ZFYVE1: variants seen among roughly 807,000 people sequenced by gnomAD.
ZFYVE1 encodes the protein zinc finger FYVE domain-containing protein 1.
ZFYVE1 carries 30 observed loss-of-function variants against 74.4 expected under a neutral mutation model. That is an observed-to-expected ratio of 0.40 (90% CI 0.30 to 0.55). The LOEUF (loss-of-function observed/expected upper bound fraction) is 0.55, where lower values mean the gene tolerates loss of function less well. Ranked by LOEUF, ZFYVE1 falls within the 20% of genes least tolerant of loss-of-function variation. The pLI is 0.42. For missense variants in ZFYVE1, 703 were observed against 1,011.6 expected, an observed-to-expected ratio of 0.69 and a Z score of 4.14; for synonymous variants, 335 against 385.1, an observed-to-expected ratio of 0.87 and a Z score of 1.52.
intron 1 of ZFYVE1, among the ~76,000 whole-genome samples, chr14:73,026,133 G>GAAAAAAAA: frequency 1.0e-5 from 1 of 95,726 alleles, no homozygotes; most frequent in Non-Finnish European, 2.2e-5. Context: ...TTCACTAACT[G>GAAAAAAAA]AAAAAAAAAA....
chr14:73,014,328 A>G (rs1894147877), intron 2 of ZFYVE1, among the ~76,000 whole-genome samples: 1 of 152,192 alleles, frequency 6.6e-6, no homozygotes. Flanking sequence ...AAGGCACATA[A>G]TAGGGTTTCT....
chr14:72,999,555 AAAGT>A (rs1893825086), intron 2 of ZFYVE1, among the ~76,000 whole-genome samples: 1 of 152,116 alleles, frequency 6.6e-6, no homozygotes, highest in Admixed American at 6.6e-5. Context: ...ACTGGATGAC[AAAGT>A]AAGACCTTGA....
chr14:72,977,831 G>A, intron 8 of ZFYVE1, 96 bp downstream of exon 8: 1 of 1,315,560 alleles, frequency 7.6e-7, no homozygotes, highest in Non-Finnish European at 1.1e-6. Context: ...GAAATTCATG[G>A]TTAACCTTAA....
At chr14:73,022,997 T>C (rs1181182453) in intron 2 of ZFYVE1, among the ~76,000 whole-genome samples, 1 of 151,506 alleles carries the variant, frequency 6.6e-6, no homozygotes, top group Non-Finnish European at 1.5e-5. Flanking sequence ...CCCCCGTCTC[T>C]ACTAAAAATT....
chr14:73,016,813 G>A (rs12882846), intron 2 of ZFYVE1, among the ~76,000 whole-genome samples: 6 of 150,960 alleles, frequency 4.0e-5, no homozygotes, highest in Non-Finnish European at 7.4e-5. Context: ...GTCAGAGGCT[G>A]CAGTGAACCA....
At chr14:72,995,353 T>TC (rs1336414467) in intron 3 of ZFYVE1, among the ~76,000 whole-genome samples, 1 of 152,170 alleles carries the variant, frequency 6.6e-6, no homozygotes, top group Admixed American at 6.6e-5. Context: ...CACCTTGGCC[T>TC]CCCAAAGAGC....
intron 2 of ZFYVE1, among the ~76,000 whole-genome samples, chr14:73,004,752 C>G (rs1893941775): frequency 6.6e-6 from 1 of 152,092 alleles, no homozygotes; most frequent in Admixed American, 6.6e-5. Context: ...AATCCCAGCA[C>G]TGTGGGAGGC....
At chr14:73,016,557 T>C (rs1183209793) in intron 2 of ZFYVE1, among the ~76,000 whole-genome samples, 1 of 151,448 alleles carries the variant, frequency 6.6e-6, no homozygotes, top group African/African-American at 2.4e-5. Context: ...CCTTTGGTTT[T>C]CCTAGTACAG....
Position 73,024,049 on chromosome 14 carries a change from C to T in ZFYVE1, c.460G>A (p.Val154Ile). The change falls in exon 2 of 12, where the codon GTA becomes ATA. Residue 154 changes from valine (V) to isoleucine (I), a missense_variant. Physicochemically the swap from Val to Ile is conservative, Grantham distance 29. Coordinates refer to ENST00000556143, the MANE Select transcript of ZFYVE1 (RefSeq NM_021260.4). ...MTEKVVSFLL[V>I]DENEEIQVTN... The stretch of plus-strand genomic sequence containing the variant: ...ACCTGAATTTCTTCATTTTCGTCTA[C>T]TAGGAGGAAACTCACAACCTTCTCA... The T allele has an allele frequency of 2.5e-6, 4 of 1,614,116 alleles. No homozygotes were observed. Among genetic ancestry groups the T allele is most frequent in the Non-Finnish European group, 3.4e-6 (4 of 1,180,018 alleles).
rs181015158 is a variant in ZFYVE1, at chr14:72,986,016, G to A, written c.1204-4121C>T. Reference sequence around the variant, plus strand: ...AGGACAAATGATATAAATCTGGCATGAGTGCAACAGCTGGGTTGAATTCAC... The same window carrying A: ...AGGACAAATGATATAAATCTGGCATAAGTGCAACAGCTGGGTTGAATTCAC... On this transcript the variant is annotated intron_variant, in intron 4 of 11. Coordinates refer to ENST00000556143, the MANE Select transcript of ZFYVE1 (RefSeq NM_021260.4). 3.2e-4 allele frequency among the ~76,000 whole-genome samples: 48 copies of A among 152,320 alleles called. 1 individual carries two copies. The highest frequency in any genetic ancestry group is 7.8e-4 in the Admixed American group (12 of 15,294).
rs1893646466 is a variant in ZFYVE1, at chr14:72,992,629, T to TC, written c.1203+513_1203+514insG. The stretch of plus-strand genomic sequence containing the variant: ...CCCATTCAGGTGCCCCCCCCGCCCC[T>TC]TGCAAGAGAGAGAGAGCTGTTCTTT... On this transcript the variant is annotated intron_variant, in intron 4 of 11. Coordinates refer to ENST00000556143, the MANE Select transcript of ZFYVE1 (RefSeq NM_021260.4). Among the ~76,000 whole-genome samples, 45 of 51,174 alleles carry TC rather than the reference T, an allele frequency of 8.8e-4. 2 individuals carry two copies. Among genetic ancestry groups the TC allele is most frequent in the African/African-American group, 3.5e-3 (44 of 12,556 alleles). The allele number at this position is 51,174 out of a possible 152,430, so 33.6% of individuals were successfully genotyped here.
At chr14:72,995,035 T>C (rs1015514051) in intron 3 of ZFYVE1, among the ~76,000 whole-genome samples, 4 of 152,222 alleles carry the variant, frequency 2.6e-5, no homozygotes, top group Non-Finnish European at 5.9e-5. Context: ...GTGATAAAGG[T>C]TGAAAGGACT....
chr14:72,977,792 A>G, intron 8 of ZFYVE1, 135 bp downstream of exon 8: 1 of 904,256 alleles, frequency 1.1e-6, no homozygotes, highest in Non-Finnish European at 1.7e-6. Flanking sequence ...AGCTCTCCAG[A>G]TCATGCCTTT....
intron 2 of ZFYVE1, among the ~76,000 whole-genome samples, chr14:73,023,189 TATA>T (rs1316701916): frequency 1.7e-4 from 24 of 138,778 alleles, no homozygotes; most frequent in African/African-American, 4.7e-4. Flanking sequence ...TATATATATA[TATA>T]TTTTATATAT....
intron 2 of ZFYVE1, among the ~76,000 whole-genome samples, chr14:73,022,766 G>A (rs973624916): frequency 1.3e-5 from 2 of 152,020 alleles, no homozygotes; most frequent in Admixed American, 6.6e-5. Flanking sequence ...TCACCTAGCT[G>A]TCACAACACT....
At position 72,974,170 on chromosome 14, in the gene ZFYVE1, C is replaced by T. The variant is rs1893105477; in HGVS notation, c.2011G>A (p.Asp671Asn). 4 of 1,614,130 alleles carry T rather than the reference C, an allele frequency of 2.5e-6. No homozygotes were observed. The highest frequency in any genetic ancestry group is 2.2e-5 in the South Asian group (2 of 91,078). The part of the protein sequence containing the change: ...QLAVTEAQVD[D>N]EGGTLIARKV... ...CGAGCAATGAGCGTTCCACCTTCATCGTCCACTTGTGCCTCGGTAACAGCT... is the reference window on the plus strand; with the variant it reads ...CGAGCAATGAGCGTTCCACCTTCATTGTCCACTTGTGCCTCGGTAACAGCT... Residue 671 changes from aspartate (D) to asparagine (N), a missense_variant, in exon 11 of 12, where the codon GAT (aspartate) becomes AAT (asparagine). By Grantham distance (23) the Asp-to-Asn change is conservative. Transcript: ENST00000556143.
At chr14:72,996,483 T>C (rs949412323) in intron 3 of ZFYVE1, among the ~76,000 whole-genome samples, 1 of 152,066 alleles carries the variant, frequency 6.6e-6, no homozygotes, top group Non-Finnish European at 1.5e-5. Context: ...AGCCTCAACC[T>C]CTCAGGCTCA....
chr14:72,999,448 A>G (rs1344622146), intron 2 of ZFYVE1, among the ~76,000 whole-genome samples: 1 of 152,092 alleles, frequency 6.6e-6, no homozygotes. Context: ...ATAAATACAT[A>G]GCTGAGTGCA....
intron 3 of ZFYVE1, among the ~76,000 whole-genome samples, chr14:72,996,068 A>T (rs1019283940): frequency 4.5e-4 from 68 of 152,064 alleles, no homozygotes; most frequent in Non-Finnish European, 3.1e-4. Flanking sequence ...TCTCTCCATC[A>T]TTCCCTCCCA....
Sources: gnomAD v4.1 joint callset for allele counts (sites outside exome capture counted in the v4.1 genomes callset) on GRCh38, gnomAD v4.1.1 for gene constraint, MANE v1.5 for transcripts, NCBI Gene and HGNC (gene_info 2026-07-23, HGNC 2026-07-21) for gene names.